Variants in BRF1 observed in about 807,000 individuals in gnomAD.
BRF1 encodes the protein BRF1 general transcription factor IIIB subunit.
In BRF1, 59 loss-of-function variants were observed where a neutral mutation model predicts 81.7. The observed-to-expected ratio is 0.72, with a 90% CI of 0.59 to 0.90. The LOEUF is 0.90. Among genes scored for constraint, BRF1 ranks in the 40% least tolerant of loss-of-function variants. The probability of loss-of-function intolerance (pLI) is 0.00; values close to 1 mark genes in which losing one functional copy is unlikely to be tolerated. For synonymous variants in BRF1, 491 were observed against 395.6 expected (o/e 1.24, Z -2.86); for missense variants, 1,050 against 936.3 (o/e 1.12, Z -1.58).
Position 105,241,340 on chromosome 14 carries a change from C to A in BRF1, c.619G>T (p.Ala207Ser). 6.2e-7 allele frequency: 1 copy of A among 1,612,784 alleles called. No individual in the cohort carries two copies. The highest frequency in any genetic ancestry group is 8.5e-7 in the Non-Finnish European group (1 of 1,179,928). The stretch of plus-strand genomic sequence containing the variant: ...TTCATCCTCTGTAGGAGCCTCAGGG[C>A]AGTCATGGACACCTCGTGGTTCTTC... ...GEKNHEVSMT[A>S]LRLLQRMKRD... Residue 207 changes from alanine (A) to serine (S), a missense_variant, in exon 6 of 18, where the codon GCC (alanine) becomes TCC (serine). Physicochemically the swap from Ala to Ser is moderately conservative, Grantham distance 99. Transcript: ENST00000547530.
intron 6 of BRF1, among the ~76,000 whole-genome samples, chr14:105,229,229 G>C (rs1043138368): frequency 3.9e-5 from 6 of 152,250 alleles, no homozygotes; most frequent in Admixed American, 1.3e-4. Context: ...AACACAGCTT[G>C]TGATGGGAGC....
Position 105,309,945 on chromosome 14 carries a change from C to A in BRF1, c.-162+5377G>T, listed in dbSNP as rs1217270209. The stretch of plus-strand genomic sequence containing the variant: ...GGACTACAGGCGCCCGCCACCACAC[C>A]CGACTAATTTTTGTATTTTTAGTAG... On this transcript the variant is annotated intron_variant, in intron 1 of 17. Coordinates refer to the BRF1 transcript ENST00000327359. The surrounding 1 kb of genome is among the most constrained non-coding windows in gnomAD (Gnocchi z 4.0). Among the ~76,000 whole-genome samples the A allele has an allele frequency of 6.6e-6, 1 of 151,732 alleles. No individual in the cohort carries two copies. Among genetic ancestry groups the A allele is most frequent in the African/African-American group, 2.4e-5 (1 of 41,342 alleles).
chr14:105,256,118 C>A, intron 4 of BRF1: 2 of 1,284,294 alleles, frequency 1.6e-6, no homozygotes, highest in South Asian at 1.4e-5. Flanking sequence ...GAGCGAGACT[C>A]CATCTCATAA....
intron 2 of BRF1, among the ~76,000 whole-genome samples, chr14:105,280,263 T>C (rs1355561355): frequency 1.3e-5 from 2 of 152,198 alleles, no homozygotes; most frequent in East Asian, 3.8e-4. Flanking sequence ...TAAATGCCCA[T>C]GGCTGAGTGA....
intron 15 of BRF1, chr14:105,212,867 G>A (rs775093722): frequency 1.3e-5 from 2 of 152,322 alleles, no homozygotes; most frequent in Non-Finnish European, 2.9e-5. Flanking sequence ...GCCCTGCCTG[G>A]CTCTGACGTG....
intron 5 of BRF1, chr14:105,249,316 G>C: frequency 1.9e-6 from 3 of 1,593,176 alleles, no homozygotes; most frequent in Non-Finnish European, 1.7e-6. Flanking sequence ...CTGACACGCA[G>C]CCTGCGGGAG....
chr14:105,211,653 A>C, intron 16 of BRF1: 2 of 347,298 alleles, frequency 5.8e-6, no homozygotes, highest in Non-Finnish European at 5.3e-6. Context: ...GACCCCCAGA[A>C]CACAGACAGA....
chr14:105,301,630 G>A (rs972757496), upstream of BRF1, among the ~76,000 whole-genome samples: 6 of 152,234 alleles, frequency 3.9e-5, no homozygotes, highest in African/African-American at 1.4e-4. Context: ...CCAGGTTCCA[G>A]AGCCTCCCCG....
intron 1 of BRF1, among the ~76,000 whole-genome samples, chr14:105,294,717 A>G (rs1448754336): frequency 1.3e-5 from 2 of 152,182 alleles, no homozygotes; most frequent in Non-Finnish European, 2.9e-5. Flanking sequence ...AGACAAAGGG[A>G]AAAAAAGACA....
chr14:105,289,798 G>A (rs1038594900), intron 1 of BRF1, among the ~76,000 whole-genome samples: 3 of 152,176 alleles, frequency 2.0e-5, no homozygotes, highest in African/African-American at 7.2e-5. Flanking sequence ...ACCACGCCCA[G>A]CTGATTTTTG....
In BRF1 at chr14:105,215,485, C is replaced by A. The variant is rs191651569; in HGVS notation, c.1772+2059G>T. On this transcript the variant is annotated intron_variant, in intron 15 of 17. Transcript: ENST00000547530. ...ACACCAGAACACATGCACACACACA[C>A]GTACTGAGTGCACCAACGCACACAC... Among the ~76,000 whole-genome samples, 1,454 of 152,042 alleles carry A rather than the reference C, an allele frequency of 9.6e-3. 50 individuals carry two copies. Among genetic ancestry groups the A allele is most frequent in the Admixed American group, 0.065 (987 of 15,280 alleles).
chr14:105,273,148 T>C (rs2056731529), intron 2 of BRF1, among the ~76,000 whole-genome samples: 2 of 152,308 alleles, frequency 1.3e-5, no homozygotes, highest in Non-Finnish European at 1.5e-5. Flanking sequence ...GCGTGTGCGG[T>C]GTGGCTGAAT....
intron 5 of BRF1, among the ~76,000 whole-genome samples, chr14:105,251,821 C>A (rs2055630891): frequency 6.6e-6 from 1 of 151,986 alleles, no homozygotes; most frequent in Admixed American, 6.6e-5. Flanking sequence ...TGTTTTGATC[C>A]TTTCCTTCTA....
chr14:105,228,729 C>A, intron 7 of BRF1, 91 bp downstream of exon 7: 1 of 1,445,294 alleles, frequency 6.9e-7, no homozygotes, highest in Non-Finnish European at 9.6e-7. Flanking sequence ...CGGCAGGGTC[C>A]CGGGAGGTGG....
intron 10 of BRF1, among the ~76,000 whole-genome samples, chr14:105,223,490 ATGAG>A (rs1235192235): frequency 3.2e-5 from 4 of 123,510 alleles, no homozygotes; most frequent in African/African-American, 7.9e-5. Flanking sequence ...CACAACACAA[ATGAG>A]CAAACCATTG....
intron 15 of BRF1, among the ~76,000 whole-genome samples, chr14:105,214,332 C>T (rs587737748): frequency 1.3e-5 from 2 of 152,344 alleles, no homozygotes; most frequent in African/African-American, 4.8e-5. Context: ...AGAGGAAGAC[C>T]CCGAGGGTCA....
chr14:105,241,412 G>A lies in BRF1; in HGVS notation c.547C>T (p.Pro183Ser). ...GCAAAGCGTGGAATATACAGGCACGGGTCTGCGGCAGACACAGCACCTCAG... is the reference window on the plus strand; with the variant it reads ...GCAAAGCGTGGAATATACAGGCACGAGTCTGCGGCAGACACAGCACCTCAG... ...ELCINAPAID[P>S]CLYIPRFAHL... Residue 183 changes from proline (P) to serine (S), a missense_variant and splice_region_variant, in exon 6 of 18, where the codon CCG becomes TCG. Around this residue, in one of 2 missense-constraint regions of BRF1, gnomAD observed 1,043 missense variants for 915.4 expected, o/e 1.14. Coordinates refer to ENST00000547530, the MANE Select transcript of BRF1 (RefSeq NM_001519.4). 1 of 1,611,508 alleles carries A rather than the reference G, an allele frequency of 6.2e-7. No homozygotes were observed. Among genetic ancestry groups the A allele is most frequent in the Non-Finnish European group, 8.5e-7 (1 of 1,179,880 alleles).
chr14:105,250,723 A>C, intron 5 of BRF1: 1 of 1,536,762 alleles, frequency 6.5e-7, no homozygotes, highest in East Asian at 2.3e-5. Flanking sequence ...GGGGAAGTCA[A>C]GATGCTAACT....
intron 5 of BRF1, chr14:105,242,188 A>T (rs2054721623): frequency 1.3e-5 from 2 of 152,276 alleles, no homozygotes; most frequent in African/African-American, 4.8e-5. Flanking sequence ...GCTTGAGGTG[A>T]AAGATGTCCC....
Sources: allele counts gnomAD v4.1 joint callset (sites outside exome capture counted in the v4.1 genomes callset), GRCh38; gene constraint gnomAD v4.1.1; regional missense constraint gnomAD v4.1.1; non-coding constraint Gnocchi (gnomAD v3.1); transcripts MANE v1.5; gene names NCBI Gene and HGNC (gene_info 2026-07-23, HGNC 2026-07-21).